PIK3CD: variants seen among roughly 807,000 people sequenced by gnomAD.
PIK3CD encodes the protein phosphatidylinositol-4,5-bisphosphate 3-kinase catalytic subunit delta, also known as phosphatidylinositol 4,5-bisphosphate 3-kinase catalytic subunit delta isoform.
PIK3CD carries 20 observed loss-of-function variants against 122.9 expected under a neutral mutation model. That is an observed-to-expected ratio of 0.16 (90% CI 0.11 to 0.24). The LOEUF (loss-of-function observed/expected upper bound fraction) is 0.24, where lower values mean the gene tolerates loss of function less well. PIK3CD is among the 10% of genes least tolerant of loss of function. PIK3CD has a pLI of 1.00. For synonymous variants in PIK3CD, 596 were observed against 593.4 expected (o/e 1.00, Z -0.06); for missense variants, 787 against 1,406.3 (o/e 0.56, Z 7.04).
At chr1:9,676,607 A>C (rs541906871) in intron 1 of PIK3CD, among the ~76,000 whole-genome samples, 1 of 152,336 alleles carries the variant, frequency 6.6e-6, no homozygotes, top group Non-Finnish European at 1.5e-5. Context: ...TTGAGCTGGC[A>C]GTTGATACCA....
At chr1:9,706,789 G>A (rs759528830) in intron 2 of PIK3CD, among the ~76,000 whole-genome samples, 100 of 150,942 alleles carry the variant, frequency 6.6e-4, no homozygotes, top group Non-Finnish European at 1.2e-3. Flanking sequence ...CACTGTTTTT[G>A]GCTTTTTTTG....
chr1:9,689,293 A>G lies in PIK3CD; in HGVS notation c.-137-2174A>G, dbSNP rs953153969. Among the ~76,000 whole-genome samples the G allele has an allele frequency of 3.3e-5, 5 of 152,274 alleles. No individual in the cohort carries two copies. Among genetic ancestry groups the G allele is most frequent in the African/African-American group, 9.6e-5 (4 of 41,574 alleles). On this transcript the variant is annotated intron_variant, in intron 1 of 23. Transcript: ENST00000377346. This position sits in a 1 kb window ranked among gnomAD's most constrained non-coding sequence, Gnocchi z 6.1. ...CTCTGGGGCTCAGGGTGCGAACCCC[A>G]AGGGCCCCGCCTGGCAGCGTCCTGG...
At chr1:9,641,939 C>T in the PIK3CD span, among the ~76,000 whole-genome samples, 32 of 152,256 alleles carry the variant, frequency 2.1e-4, no homozygotes, top group Admixed American at 1.2e-3. Context: ...AGGGCAGCAG[C>T]TTTCTAGTTG....
At chr1:9,636,936 C>T in the PIK3CD span, among the ~76,000 whole-genome samples, 26 of 151,172 alleles carry the variant, frequency 1.7e-4, no homozygotes, top group Admixed American at 8.6e-4. Flanking sequence ...CTCTCTCTGT[C>T]ACCCAGGCTG....
At chr1:9,635,334 A>G in the PIK3CD span, among the ~76,000 whole-genome samples, 1 of 149,712 alleles carries the variant, frequency 6.7e-6, no homozygotes, top group Admixed American at 6.7e-5. Flanking sequence ...TTTCTTTCTC[A>G]TCTGTGTCCC....
rs1650151871 is a variant in PIK3CD at position 9,729,024 on chromosome 1, A to AGTT, written c.*1979_*1981dup. 1 of 151,976 alleles carries AGTT rather than the reference A, an allele frequency of 6.6e-6. No individual in the cohort carries two copies. Among genetic ancestry groups the AGTT allele is most frequent in the African/African-American group, 2.4e-5 (1 of 41,246 alleles). 9.4% of individuals were successfully genotyped at this position (151,976 alleles called of 1,614,324 possible). A position where few individuals can be genotyped will look rare whatever the true frequency, so the allele number is the denominator to read the frequency against. On this transcript the variant is annotated 3_prime_UTR_variant, in exon 24 of 24. Transcript: ENST00000377346. Reference sequence around the variant, plus strand: ...AGAAGACAAACCCCGCTCCGGCTGGAGTTAGTTAGAACCAGAACTTTATTG... The same window carrying AGTT: ...AGAAGACAAACCCCGCTCCGGCTGGAGTTGTTAGTTAGAACCAGAACTTTATTG...
intron 1 of PIK3CD, chr1:9,654,490 C>G: frequency 1.7e-6 from 2 of 1,161,780 alleles, no homozygotes; most frequent in Non-Finnish European, 1.2e-6. Flanking sequence ...GTGCGAAAGC[C>G]AGCCCGCTTT....
At chr1:9,665,295 A>T (rs1393821405) in intron 1 of PIK3CD, among the ~76,000 whole-genome samples, 2 of 151,704 alleles carry the variant, frequency 1.3e-5, no homozygotes. Flanking sequence ...TCCCATGGCA[A>T]GGTAGTAAAT....
chr1:9,666,334 C>A (rs779023336), intron 1 of PIK3CD, among the ~76,000 whole-genome samples: 15 of 144,126 alleles, frequency 1.0e-4, no homozygotes, highest in Non-Finnish European at 1.8e-4. Flanking sequence ...TCTGCCCCCC[C>A]AGGTTCAAGT....
chr1:9,727,934 A>C lies in PIK3CD; in HGVS notation c.*888A>C, dbSNP rs2101051228. The C allele has an allele frequency of 6.0e-6, 1 of 167,210 alleles. No individual in the cohort carries two copies. The highest frequency in any genetic ancestry group is 2.0e-4 in the South Asian group (1 of 4,964). 10.4% of individuals were successfully genotyped at this position (167,210 alleles called of 1,614,324 possible). A position where few individuals can be genotyped will look rare whatever the true frequency, so the allele number is the denominator to read the frequency against. ...ATTCTTCTGCCTCAGCCTCCTGAGT[A>C]GCTGGGATTACAGGTGTGCACCACC... On this transcript the variant is annotated 3_prime_UTR_variant, in exon 24 of 24. Coordinates refer to ENST00000377346, the MANE Select transcript of PIK3CD (RefSeq NM_005026.5).
Position 9,652,290 on chromosome 1 carries a change from G to A in PIK3CD, c.-138+488G>A, listed in dbSNP as rs1042104496. 1.1e-4 allele frequency among the ~76,000 whole-genome samples: 17 copies of A among 152,180 alleles called. No individual in the cohort carries two copies. Among genetic ancestry groups the A allele is most frequent in the African/African-American group, 3.4e-4 (14 of 41,460 alleles). On this transcript the variant is annotated intron_variant, in intron 1 of 23. Coordinates refer to ENST00000377346, the MANE Select transcript of PIK3CD (RefSeq NM_005026.5). This position sits in a 1 kb window ranked among gnomAD's most constrained non-coding sequence, Gnocchi z 6.2. ...AGAGAGCGCGCTGGTGATGTCGCCC[G>A]AGTGCCCTGGCGCGGAGAGAGGGCT...
intron 1 of PIK3CD, among the ~76,000 whole-genome samples, chr1:9,661,816 G>T (rs554243198): frequency 6.6e-6 from 1 of 152,280 alleles, no homozygotes; most frequent in East Asian, 1.9e-4. Context: ...CTAACACGGT[G>T]AAACCCTGTC....
intron 1 of PIK3CD, among the ~76,000 whole-genome samples, chr1:9,676,536 A>C (rs1406388233): frequency 6.6e-6 from 1 of 152,176 alleles, no homozygotes; most frequent in South Asian, 2.1e-4. Flanking sequence ...TGGCCTCTAC[A>C]ATCTCAATGG....
chr1:9,645,025 C>CTT, the PIK3CD span, among the ~76,000 whole-genome samples: 7 of 81,802 alleles, frequency 8.6e-5, no homozygotes, highest in Non-Finnish European at 1.1e-4. Flanking sequence ...CTTTTCTTTT[C>CTT]TTTTTTTTTT....
chr1:9,726,038 C>T (rs894688716), intron 23 of PIK3CD, among the ~76,000 whole-genome samples: 3 of 151,738 alleles, frequency 2.0e-5, no homozygotes, highest in African/African-American at 7.3e-5. Flanking sequence ...ATGGTGAAAC[C>T]ACATCTCTAC....
intron 2 of PIK3CD, among the ~76,000 whole-genome samples, chr1:9,702,616 G>A (rs1306961903): frequency 2.1e-5 from 3 of 140,706 alleles, no homozygotes; most frequent in Non-Finnish European, 3.0e-5. Context: ...CGCCTCCTGG[G>A]TTCAAGCGAT....
chr1:9,656,199 G>C (rs1644852174), intron 1 of PIK3CD, among the ~76,000 whole-genome samples: 1 of 152,154 alleles, frequency 6.6e-6, no homozygotes, highest in African/African-American at 2.4e-5. Context: ...TGGGATTTTT[G>C]GTCCTGGAGG....
chr1:9,653,520 T>C (rs1570038426), intron 1 of PIK3CD: 1 of 288,346 alleles, frequency 3.5e-6, no homozygotes, highest in Non-Finnish European at 6.8e-6. Context: ...AATGTCCTAG[T>C]AATTCTCTTG....
chr1:9,703,579 GT>G (rs1427309129), intron 2 of PIK3CD, among the ~76,000 whole-genome samples: 1 of 152,162 alleles, frequency 6.6e-6, no homozygotes, highest in Non-Finnish European at 1.5e-5. Context: ...GCCTGTGTTT[GT>G]TTCTTTGTAC....
Sources: gnomAD v4.1 joint callset for allele counts (sites outside exome capture counted in the v4.1 genomes callset) on GRCh38, gnomAD v4.1.1 for gene constraint, Gnocchi (gnomAD v3.1) non-coding constraint, MANE v1.5 for transcripts, NCBI Gene and HGNC (gene_info 2026-07-23, HGNC 2026-07-21) for gene names.